Variants in PCYT1A observed in about 807,000 individuals in gnomAD.
PCYT1A encodes choline-phosphate cytidylyltransferase A.
A neutral mutation model predicts 43.7 loss-of-function variants in PCYT1A; 25 were observed. The ratio of observed to expected loss-of-function variants is 0.57; its 90% CI spans 0.42 to 0.80. The LOEUF is 0.80. PCYT1A is among the 30% of genes least tolerant of loss of function. PCYT1A has a pLI of 0.00. For synonymous variants in PCYT1A, 172 were observed against 170.7 expected (o/e 1.01, Z -0.06); for missense variants, 421 against 474.2 (o/e 0.89, Z 1.04).
intron 2 of PCYT1A, among the ~76,000 whole-genome samples, chr3:196,262,439 C>T (rs1725139136): frequency 6.6e-6 from 1 of 152,194 alleles, no homozygotes; most frequent in Non-Finnish European, 1.5e-5. Context: ...AGCTCATTTC[C>T]TCTTGTATTC....
At chr3:196,253,026 T>C (rs545351897) in intron 3 of PCYT1A, among the ~76,000 whole-genome samples, 2 of 152,264 alleles carry the variant, frequency 1.3e-5, no homozygotes, top group Non-Finnish European at 2.9e-5. Context: ...TCTATGCCTA[T>C]TAAAAAATAA....
At chr3:196,284,436 T>G (rs1725848853) in intron 1 of PCYT1A, among the ~76,000 whole-genome samples, 1 of 152,202 alleles carries the variant, frequency 6.6e-6, no homozygotes, top group Non-Finnish European at 1.5e-5. Context: ...TTTCAGATTA[T>G]TAAAGGGCTG....
In PCYT1A at chr3:196,270,780, C is replaced by T. The variant is rs566421725; in HGVS notation, c.-10-239G>A. 1.2e-4 allele frequency among the ~76,000 whole-genome samples: 19 copies of T among 152,258 alleles called. No individual in the cohort carries two copies. In the South Asian group the frequency reaches 1.9e-3, roughly 15 times the overall value. On this transcript the variant is annotated intron_variant, in intron 1 of 8. Coordinates refer to ENST00000431016, the MANE Select transcript of PCYT1A (RefSeq NM_001312673.2). The stretch of plus-strand genomic sequence containing the variant: ...ATGGCCACAGTGAATTGCCTGAAGT[C>T]GGAAGTCATTCCCCCTCACAGTGCA...
At chr3:196,258,353 G>T (rs1364467000) in intron 2 of PCYT1A, among the ~76,000 whole-genome samples, 1 of 151,818 alleles carries the variant, frequency 6.6e-6, no homozygotes, top group South Asian at 2.1e-4. Flanking sequence ...GTTGTGAATG[G>T]AATTGTTTTC....
chr3:196,260,050 C>G (rs1259820143), intron 2 of PCYT1A, among the ~76,000 whole-genome samples: 2 of 148,214 alleles, frequency 1.3e-5, no homozygotes, highest in South Asian at 4.4e-4. Context: ...AGCCTCCCAA[C>G]TAGCTGGGAT....
Position 196,241,943 on chromosome 3 carries a change from C to A in PCYT1A, c.708+5G>T, listed in dbSNP as rs1439458996. On this transcript the variant is annotated splice_donor_5th_base_variant and intron_variant, in intron 7 of 8. Transcript: ENST00000431016. ...AGGGAACTCTGGGGTAAGGCTGGAA[C>A]TCACGTTGATAAAGCTGACATTGAG... 2 of 1,614,058 alleles carry A rather than the reference C, an allele frequency of 1.2e-6. No homozygotes were observed. Among genetic ancestry groups the A allele is most frequent in the African/African-American group, 2.7e-5 (2 of 74,926 alleles).
Position 196,247,558 on chromosome 3 carries a change from T to G in PCYT1A, c.335-40A>C, listed in dbSNP as rs562112831. 12 of 1,602,008 alleles carry G rather than the reference T, an allele frequency of 7.5e-6. No individual in the cohort carries two copies. The African/African-American group carries it at 1.6e-4, about 21-fold the overall frequency. ...CATAAATTGTGTGTTGGAGTCCTCT[T>G]TGCTTAGCACCTCCTCAGCCACCGA... On this transcript the variant is annotated intron_variant, in intron 4 of 8. Coordinates refer to ENST00000431016, the MANE Select transcript of PCYT1A (RefSeq NM_001312673.2). This position sits in a 1 kb window ranked among gnomAD's most constrained non-coding sequence, Gnocchi z 4.8.
chr3:196,262,458 A>T (rs116747139), intron 2 of PCYT1A, among the ~76,000 whole-genome samples: 368 of 152,364 alleles, frequency 2.4e-3, no homozygotes, highest in African/African-American at 8.4e-3. Context: ...TCTATAGAAC[A>T]CAGATTTCAG....
At position 196,236,415 on chromosome 3, in the gene PCYT1A, A is replaced by G. The variant is rs1724165986; in HGVS notation, c.*2273T>C. ...GAAAAGTTCAAAGATGAGACTATGT[A>G]ACACTGGGTAACACAGGAAAACACT... is the stretch of plus-strand genomic sequence containing the variant. On this transcript the variant is annotated 3_prime_UTR_variant, in exon 9 of 9. Transcript: ENST00000431016. The G allele has an allele frequency of 6.6e-6, 1 of 152,280 alleles. No individual in the cohort carries two copies. The highest frequency in any genetic ancestry group is 2.4e-5 in the African/African-American group (1 of 41,476). 9.4% of individuals were successfully genotyped at this position (152,280 alleles called of 1,614,324 possible). A position where few individuals can be genotyped will look rare whatever the true frequency, so the allele number is the denominator to read the frequency against.
At chr3:196,274,254 G>A (rs1725524098) in intron 1 of PCYT1A, among the ~76,000 whole-genome samples, 1 of 152,336 alleles carries the variant, frequency 6.6e-6, no homozygotes, top group East Asian at 1.9e-4. Context: ...GCCCGGGTAT[G>A]TAGCCACGGC....
At position 196,277,522 on chromosome 3, in the gene PCYT1A, G is replaced by C. The variant is rs1460409730; in HGVS notation, c.-10-6981C>G. On this transcript the variant is annotated intron_variant, in intron 1 of 8. Coordinates refer to ENST00000431016, the MANE Select transcript of PCYT1A (RefSeq NM_001312673.2). This position sits in a 1 kb window ranked among gnomAD's most constrained non-coding sequence, Gnocchi z 4.1. ...ATAATGATAACCCTAAAAGAATTTA[G>C]AAATTATGCAAAGATTACTCCTCAT... 1.3e-5 allele frequency among the ~76,000 whole-genome samples: 2 copies of C among 152,162 alleles called. No individual in the cohort carries two copies. The highest frequency in any genetic ancestry group is 4.8e-5 in the African/African-American group (2 of 41,430).
chr3:196,237,906 A>T lies in PCYT1A; in HGVS notation c.*782T>A, dbSNP rs1275062795. 6.6e-6 allele frequency: 1 copy of T among 152,234 alleles called. No homozygotes were observed. Among genetic ancestry groups the T allele is most frequent in the Non-Finnish European group, 1.5e-5 (1 of 68,044 alleles). 9.4% of individuals were successfully genotyped at this position (152,234 alleles called of 1,614,324 possible). On this transcript the variant is annotated 3_prime_UTR_variant, in exon 9 of 9. Transcript: ENST00000431016. Reference sequence around the variant, plus strand: ...CTTCCTTCGAAGGTAGATGGCACGAAAGAGACTGACAAAAGCTCCCAAAGA... The same window carrying T: ...CTTCCTTCGAAGGTAGATGGCACGATAGAGACTGACAAAAGCTCCCAAAGA...
In PCYT1A at chr3:196,252,097, C is replaced by T. The variant is rs1724816455; in HGVS notation, c.218-3774G>A. Among the ~76,000 whole-genome samples, 8 of 151,118 alleles carry T rather than the reference C, an allele frequency of 5.3e-5. No homozygotes were observed. Reference sequence around the variant, plus strand: ...CTGACTACAGCGCACCCCGCCACGCCCCGCAGACTACAGCGCACCCCGCCA... The same window carrying T: ...CTGACTACAGCGCACCCCGCCACGCTCCGCAGACTACAGCGCACCCCGCCA... On this transcript the variant is annotated intron_variant, in intron 3 of 8. Transcript: ENST00000431016. The surrounding 1 kb of genome is among the most constrained non-coding windows in gnomAD (Gnocchi z 4.0).
At chr3:196,254,382 T>G (rs1724894142) in intron 3 of PCYT1A, among the ~76,000 whole-genome samples, 1 of 151,664 alleles carries the variant, frequency 6.6e-6, no homozygotes, top group African/African-American at 2.4e-5. Context: ...TAAGATAGGG[T>G]CTCTGTCACC....
At position 196,252,115 on chromosome 3, in the gene PCYT1A, C is replaced by A. The variant is rs1409452388; in HGVS notation, c.218-3792G>T. ...GCCACGCCCCGCAGACTACAGCGCA[C>A]CCCGCCACGCCCCACTGGCTACAGT... On this transcript the variant is annotated intron_variant, in intron 3 of 8. Transcript: ENST00000431016. The surrounding 1 kb of genome is among the most constrained non-coding windows in gnomAD (Gnocchi z 4.0). Among the ~76,000 whole-genome samples the A allele has an allele frequency of 6.6e-6, 1 of 152,040 alleles. No homozygotes were observed. Among genetic ancestry groups the A allele is most frequent in the Non-Finnish European group, 1.5e-5 (1 of 67,990 alleles).
At chr3:196,276,117 A>C (rs1349615226) in intron 1 of PCYT1A, among the ~76,000 whole-genome samples, 1 of 151,784 alleles carries the variant, frequency 6.6e-6, no homozygotes, top group Non-Finnish European at 1.5e-5. Flanking sequence ...AAAAACCAAA[A>C]CAAAATAAAT....
At chr3:196,249,816 T>C (rs1276678920) in intron 3 of PCYT1A, among the ~76,000 whole-genome samples, 3 of 151,934 alleles carry the variant, frequency 2.0e-5, no homozygotes, top group African/African-American at 7.3e-5. Context: ...GAGGACCAGA[T>C]ACACTATGCT....
At chr3:196,264,801 T>C (rs1725219891) in intron 2 of PCYT1A, among the ~76,000 whole-genome samples, 1 of 152,230 alleles carries the variant, frequency 6.6e-6, no homozygotes, top group African/African-American at 2.4e-5. Flanking sequence ...TACTGTATCA[T>C]AATTATTTGC....
At position 196,252,895 on chromosome 3, in the gene PCYT1A, A is replaced by G. The variant is rs1042280543; in HGVS notation, c.218-4572T>C. Among the ~76,000 whole-genome samples, 8 of 145,930 alleles carry G rather than the reference A, an allele frequency of 5.5e-5. No homozygotes were observed. Among genetic ancestry groups the G allele is most frequent in the South Asian group, 2.2e-4 (1 of 4,590 alleles). On this transcript the variant is annotated intron_variant, in intron 3 of 8. Coordinates refer to ENST00000431016, the MANE Select transcript of PCYT1A (RefSeq NM_001312673.2). The surrounding 1 kb of genome is among the most constrained non-coding windows in gnomAD (Gnocchi z 4.0). The stretch of plus-strand genomic sequence containing the variant: ...TTATTTTTTACTGCCAGCATGTGTC[A>G]ACTAAAAAAAAAGAAGAAAAAAATA...
Sources: gnomAD v4.1 joint callset for allele counts (sites outside exome capture counted in the v4.1 genomes callset) on GRCh38, gnomAD v4.1.1 for gene constraint, Gnocchi (gnomAD v3.1) non-coding constraint, MANE v1.5 for transcripts, NCBI Gene and HGNC (gene_info 2026-07-23, HGNC 2026-07-21) for gene names.